The following FBLN1 variants were observed in gnomAD, a reference collection of about 807,000 sequenced individuals.
FBLN1 encodes the protein fibulin-1.
A neutral mutation model predicts 89.7 loss-of-function variants in FBLN1; 34 were observed. That is an observed-to-expected ratio of 0.38 (90% CI 0.29 to 0.50). The LOEUF is 0.50. Ranked by LOEUF, FBLN1 falls within the 20% of genes least tolerant of loss-of-function variation. FBLN1 has a pLI of 0.92. For synonymous variants in FBLN1, 393 were observed against 391.3 expected, an observed-to-expected ratio of 1.00 and a Z score of -0.05; for missense variants, 777 against 988.1, an observed-to-expected ratio of 0.79 and a Z score of 2.86.
At chr22:45,542,384 G>C in intron 10 of FBLN1, 101 bp downstream of exon 10, 2 of 1,487,092 alleles carry the variant, frequency 1.3e-6, no homozygotes, top group Non-Finnish European at 1.9e-6. Flanking sequence ...CCTCATCTCA[G>C]ATAATCCCAA....
chr22:45,526,328 G>A (rs888455612), intron 3 of FBLN1, among the ~76,000 whole-genome samples: 2 of 152,186 alleles, frequency 1.3e-5, no homozygotes, highest in Non-Finnish European at 2.9e-5. Context: ...CGCTATGGCC[G>A]TGGAAGGGCT....
Position 45,533,719 on chromosome 22 carries a change from C to T in FBLN1, c.647-42C>T, listed in dbSNP as rs369567067. The T allele has an allele frequency of 1.0e-5, 16 of 1,602,764 alleles. No individual in the cohort carries two copies. The African/African-American group carries it at 1.7e-4, about 17-fold the overall frequency. On this transcript the variant is annotated intron_variant, in intron 6 of 16. Coordinates refer to ENST00000327858, the MANE Select transcript of FBLN1 (RefSeq NM_006486.3). ...CTTTCTAGGATGTATTAGGATGGGT[C>T]GTTCTTGCTGGTCACCCCCGCACTG...
In FBLN1 at chr22:45,550,592, G is replaced by C. The variant is rs144043387; in HGVS notation, c.1674G>C (p.Glu558Asp). ...GFRCLAFECPENYRRSAATLQ... is the reference protein window; with the variant it reads ...GFRCLAFECPDNYRRSAATLQ... ...GCTGCCTGGCCTTCGAGTGCCCTGA[G>C]AACTACCGCCGCTCCGCAGCCACGT... is the stretch of plus-strand genomic sequence containing the variant. Residue 558 changes from glutamate to aspartate, a missense_variant, in exon 14 of 17, where the codon GAG becomes GAC. Transcript: ENST00000327858. This position sits in a 1 kb window ranked among gnomAD's most constrained non-coding sequence, Gnocchi z 8.4. 298 of 1,614,068 alleles carry C rather than the reference G, an allele frequency of 1.8e-4. No homozygotes were observed. In the African/African-American group the frequency reaches 3.3e-3, roughly 18 times the overall value.
At chr22:45,593,541 T>C (rs1316809927) in intron 16 of FBLN1, among the ~76,000 whole-genome samples, 1 of 152,188 alleles carries the variant, frequency 6.6e-6, no homozygotes, top group African/African-American at 2.4e-5. Flanking sequence ...ATTAACACAA[T>C]TGAACTCAGC....
At position 45,600,475 on chromosome 22, in the gene FBLN1, C is replaced by T. The variant is rs544632964; in HGVS notation, c.*29C>T. 2 of 1,613,868 alleles carry T rather than the reference C, an allele frequency of 1.2e-6. No individual in the cohort carries two copies. Among genetic ancestry groups the T allele is most frequent in the East Asian group, 2.2e-5 (1 of 44,878 alleles). ...CTGGTCTGCCGCACAGCCGCAGGTGCACCTCCAGGCCAAATCATTGCTGCC... is the reference window on the plus strand; with the variant it reads ...CTGGTCTGCCGCACAGCCGCAGGTGTACCTCCAGGCCAAATCATTGCTGCC... On this transcript the variant is annotated 3_prime_UTR_variant, in exon 17 of 17. Transcript: ENST00000327858.
In FBLN1 at chr22:45,557,454, CG is replaced by C. The variant is rs2043596616; in HGVS notation, c.1697+6840del. Among the ~76,000 whole-genome samples, 1 of 152,102 alleles carries C rather than the reference CG, an allele frequency of 6.6e-6. No homozygotes were observed. The highest frequency in any genetic ancestry group is 6.5e-5 in the Admixed American group (1 of 15,274). ...GCTCAGTGTTGGTCTCTGCTACTGG[CG>C]AATTGGGTACTCAGCAGTGGCCATA... is the stretch of plus-strand genomic sequence containing the variant. On this transcript the variant is annotated intron_variant, in intron 14 of 16. Transcript: ENST00000327858. The surrounding 1 kb of genome is among the most constrained non-coding windows in gnomAD (Gnocchi z 4.9).
chr22:45,548,661 G>A lies in FBLN1; in HGVS notation c.1490G>A (p.Arg497His), dbSNP rs148852554. The A allele has an allele frequency of 1.2e-4, 187 of 1,613,840 alleles. No individual in the cohort carries two copies. The highest frequency in any genetic ancestry group is 1.6e-4 in the East Asian group (7 of 44,880). Residue 497 changes from arginine (R) to histidine (H), a missense_variant, in exon 13 of 17, where the codon CGC becomes CAC. Arg to His is a conservative substitution (Grantham distance 29). Coordinates refer to ENST00000327858, the MANE Select transcript of FBLN1 (RefSeq NM_006486.3). ...LPTGGHICSY[R>H]CINIPGSFQC... ...ACCGGGGGCCACATCTGCTCCTACC[G>A]CTGCATCAACATCCCTGGAAGCTTC... is the stretch of plus-strand genomic sequence containing the variant.
intron 16 of FBLN1, among the ~76,000 whole-genome samples, chr22:45,595,875 G>T (rs2089180136): frequency 1.3e-5 from 2 of 152,206 alleles, no homozygotes; most frequent in African/African-American, 4.8e-5. Context: ...TTTTATTTTT[G>T]GTTTTGTTTT....
intron 1 of FBLN1, among the ~76,000 whole-genome samples, chr22:45,513,610 TC>T (rs1438940575): frequency 6.6e-6 from 1 of 152,068 alleles, no homozygotes; most frequent in Non-Finnish European, 1.5e-5. Context: ...CTTTTCATAT[TC>T]CCAAACTGTT....
chr22:45,582,378 C>A (rs975395853), intron 16 of FBLN1, among the ~76,000 whole-genome samples: 2 of 152,220 alleles, frequency 1.3e-5, no homozygotes, highest in African/African-American at 4.8e-5. Flanking sequence ...TGAGGAAAGA[C>A]CTCCCTGTAT....
Position 45,557,178 on chromosome 22 carries a change from G to A in FBLN1, c.1697+6563G>A, listed in dbSNP as rs537864917. 2.6e-4 allele frequency among the ~76,000 whole-genome samples: 39 copies of A among 152,308 alleles called. No homozygotes were observed. Among genetic ancestry groups the A allele is most frequent in the African/African-American group, 7.5e-4 (31 of 41,562 alleles). Reference sequence around the variant, plus strand: ...AGCCCACTGCCACACCTCTTTAGCAGTAAAGTGAGTGCTTTGGTCAGAGGC... The same window carrying A: ...AGCCCACTGCCACACCTCTTTAGCAATAAAGTGAGTGCTTTGGTCAGAGGC... On this transcript the variant is annotated intron_variant, in intron 14 of 16. Transcript: ENST00000327858. This position sits in a 1 kb window ranked among gnomAD's most constrained non-coding sequence, Gnocchi z 4.9.
Position 45,565,142 on chromosome 22 carries a change from G to A in FBLN1, c.1698-9369G>A, listed in dbSNP as rs377460457. ...ATCATGCCAGGTTTGCACCAGCCTC[G>A]AGTCTCCCATGTTGTAGTACATTCT... On this transcript the variant is annotated intron_variant, in intron 14 of 16. Transcript: ENST00000327858. 3.0e-5 allele frequency: 47 copies of A among 1,579,690 alleles called. No individual in the cohort carries two copies. In the East Asian group the frequency reaches 8.7e-4, roughly 29 times the overall value.
intron 1 of FBLN1, among the ~76,000 whole-genome samples, chr22:45,516,098 G>A (rs1014514528): frequency 9.2e-5 from 14 of 152,160 alleles, no homozygotes; most frequent in African/African-American, 2.7e-4. Context: ...AGGGGCACCC[G>A]AGCTATGCAG....
chr22:45,535,450 G>A (rs1276230945), intron 8 of FBLN1, 113 bp downstream of exon 8: 8 of 1,331,732 alleles, frequency 6.0e-6, no homozygotes, highest in Admixed American at 2.0e-5. Context: ...ACAGGGGTTG[G>A]CAAACTTTTT....
At chr22:45,595,510 G>A (rs1376183876) in intron 16 of FBLN1, among the ~76,000 whole-genome samples, 1 of 152,098 alleles carries the variant, frequency 6.6e-6, no homozygotes, top group Non-Finnish European at 1.5e-5. Flanking sequence ...TTTCCCTAGT[G>A]TGGTCCTTCC....
At chr22:45,585,200 G>A (rs929043452) in intron 16 of FBLN1, among the ~76,000 whole-genome samples, 2 of 152,204 alleles carry the variant, frequency 1.3e-5, no homozygotes, top group Non-Finnish European at 2.9e-5. Flanking sequence ...CCATCCACCG[G>A]TGAGTCTATT....
At chr22:45,512,565 C>T (rs141113401) in intron 1 of FBLN1, among the ~76,000 whole-genome samples, 3 of 152,198 alleles carry the variant, frequency 2.0e-5, no homozygotes, top group South Asian at 4.1e-4. Flanking sequence ...GATGGGGCAG[C>T]GAAGCTCAGG....
chr22:45,539,203 T>C (rs2088522758), intron 8 of FBLN1, among the ~76,000 whole-genome samples: 1 of 113,938 alleles, frequency 8.8e-6, no homozygotes, highest in Non-Finnish European at 1.8e-5. Flanking sequence ...CCTTCTTTTC[T>C]TCTTTTTTTT....
rs112910791 is a variant in FBLN1, at chr22:45,536,308, T to A, written c.922+971T>A. 9.7e-4 allele frequency among the ~76,000 whole-genome samples: 147 copies of A among 150,880 alleles called. No individual in the cohort carries two copies. The highest frequency in any genetic ancestry group is 1.8e-3 in the Non-Finnish European group (125 of 67,656). On this transcript the variant is annotated intron_variant, in intron 8 of 16. Transcript: ENST00000327858. The surrounding 1 kb of genome is among the most constrained non-coding windows in gnomAD (Gnocchi z 5.1). ...GAGTGAGTGTTTCCTGGGCGCAGAG[T>A]TTCAGTTTGAGAAGATGAAAAAGTT... is the stretch of plus-strand genomic sequence containing the variant.
Sources: allele counts gnomAD v4.1 joint callset (sites outside exome capture counted in the v4.1 genomes callset), GRCh38; gene constraint gnomAD v4.1.1; non-coding constraint Gnocchi (gnomAD v3.1); transcripts MANE v1.5; gene names NCBI Gene and HGNC (gene_info 2026-07-23, HGNC 2026-07-21).